SGMS2: variants seen among roughly 807,000 people sequenced by gnomAD.
The protein encoded by SGMS2 is phosphatidylcholine:ceramide cholinephosphotransferase 2.
Under a neutral mutation model 43.8 loss-of-function variants are expected in SGMS2, and 21 were observed. The observed-to-expected ratio is 0.48, with a 90% CI of 0.34 to 0.69. SGMS2 has a LOEUF of 0.69. Among genes scored for constraint, SGMS2 ranks in the 30% least tolerant of loss-of-function variants. The probability of loss-of-function intolerance (pLI) is 0.01; values close to 1 mark genes in which losing one functional copy is unlikely to be tolerated. For missense variants in SGMS2, 384 were observed against 443.2 expected, an observed-to-expected ratio of 0.87 and a Z score of 1.20; for synonymous variants, 167 against 160.6, an observed-to-expected ratio of 1.04 and a Z score of -0.30.
intron 1 of SGMS2, among the ~76,000 whole-genome samples, chr4:107,832,205 A>G (rs1368923549): frequency 6.6e-6 from 1 of 152,184 alleles, no homozygotes; most frequent in Non-Finnish European, 1.5e-5. Context: ...GGTTAGTGTA[A>G]TATACCAGTT....
Position 107,912,192 on chromosome 4 carries a change from T to G in SGMS2, c.*1639T>G, listed in dbSNP as rs1261513427. ...TCCTTTGGTGCTAAAATCTTGTGTA[T>G]GTTTTCAGAATGGCTTTTTCTGTAT... On this transcript the variant is annotated 3_prime_UTR_variant, in exon 7 of 7. Coordinates refer to ENST00000690982, the MANE Select transcript of SGMS2 (RefSeq NM_001375905.1). 1 of 152,208 alleles carries G rather than the reference T, an allele frequency of 6.6e-6. No homozygotes were observed. The highest frequency in any genetic ancestry group is 1.5e-5 in the Non-Finnish European group (1 of 68,032). 9.4% of individuals were successfully genotyped at this position (152,208 alleles called of 1,614,324 possible).
At chr4:107,866,891 A>G (rs1385923693) in intron 2 of SGMS2, 2 of 152,200 alleles carry the variant, frequency 1.3e-5, no homozygotes, top group Non-Finnish European at 2.9e-5. Flanking sequence ...ACAACCCAAG[A>G]TTGCAAAATT....
At chr4:107,873,668 G>A (rs1362586677) in intron 2 of SGMS2, among the ~76,000 whole-genome samples, 1 of 151,924 alleles carries the variant, frequency 6.6e-6, no homozygotes, top group Non-Finnish European at 1.5e-5. Flanking sequence ...TTTTTCACAT[G>A]GTAAATTAGT....
chr4:107,910,745 T>G lies in SGMS2; in HGVS notation c.*192T>G. 1 of 575,762 alleles carries G rather than the reference T, an allele frequency of 1.7e-6. No homozygotes were observed. The highest frequency in any genetic ancestry group is 2.9e-5 in the East Asian group (1 of 34,202). 35.7% of individuals were successfully genotyped at this position (575,762 alleles called of 1,614,324 possible). A position where few individuals can be genotyped will look rare whatever the true frequency, so the allele number is the denominator to read the frequency against. On this transcript the variant is annotated 3_prime_UTR_variant, in exon 7 of 7. Transcript: ENST00000690982. ...TCTTCTTCATCCTGAGAAAGATACA[T>G]TCTCTTGCAGCTCTTCATTCATTGG... is the stretch of plus-strand genomic sequence containing the variant.
At chr4:107,858,789 T>C (rs1727563682) in intron 2 of SGMS2, among the ~76,000 whole-genome samples, 1 of 152,254 alleles carries the variant, frequency 6.6e-6, no homozygotes, top group African/African-American at 2.4e-5. Context: ...ATGGATGTTT[T>C]CTCGGTCTTG....
At chr4:107,836,678 G>A (rs547394142) in intron 1 of SGMS2, among the ~76,000 whole-genome samples, 6 of 152,076 alleles carry the variant, frequency 3.9e-5, no homozygotes, top group Non-Finnish European at 7.4e-5. Flanking sequence ...GTTTTTGTGG[G>A]TAATGCTGTT....
intron 2 of SGMS2, among the ~76,000 whole-genome samples, chr4:107,892,126 C>A (rs1299439142): frequency 2.0e-5 from 3 of 146,490 alleles, no homozygotes. Flanking sequence ...AAAAAAAAAA[C>A]CTCATCTTCC....
At chr4:107,882,664 A>T (rs1228668775) in intron 2 of SGMS2, among the ~76,000 whole-genome samples, 1 of 152,180 alleles carries the variant, frequency 6.6e-6, no homozygotes, top group Admixed American at 6.5e-5. Flanking sequence ...CCTGCCATGT[A>T]AGTAAGATTT....
At chr4:107,889,224 C>A (rs1157758972) in intron 2 of SGMS2, among the ~76,000 whole-genome samples, 1 of 152,152 alleles carries the variant, frequency 6.6e-6, no homozygotes, top group Non-Finnish European at 1.5e-5. Flanking sequence ...AAACCAATAT[C>A]AATGTCTTGT....
chr4:107,892,492 T>G (rs2126114157), intron 2 of SGMS2, among the ~76,000 whole-genome samples: 1 of 152,240 alleles, frequency 6.6e-6, no homozygotes, highest in African/African-American at 2.4e-5. Context: ...AGGTCTCAGT[T>G]AATTTAGAAA....
At chr4:107,831,012 C>T (rs2125985165) in intron 1 of SGMS2, among the ~76,000 whole-genome samples, 1 of 152,264 alleles carries the variant, frequency 6.6e-6, no homozygotes, top group Admixed American at 6.5e-5. Flanking sequence ...TCAGACAGCT[C>T]TGCAAAATGG....
chr4:107,827,023 G>A lies in SGMS2; in HGVS notation c.-327+1770G>A, dbSNP rs527644870. The stretch of plus-strand genomic sequence containing the variant: ...TTTACTTAAACTCTTTGGGATTTTT[G>A]TGGGACTTTAAACAAAATATAGGGG... On this transcript the variant is annotated intron_variant, in intron 1 of 6. Transcript: ENST00000690982. Among the ~76,000 whole-genome samples, 9 of 152,284 alleles carry A rather than the reference G, an allele frequency of 5.9e-5. No homozygotes were observed. In the South Asian group the frequency reaches 1.9e-3, roughly 32 times the overall value.
chr4:107,910,123 A>G lies in SGMS2; in HGVS notation c.895-227A>G, dbSNP rs140108270. The stretch of plus-strand genomic sequence containing the variant: ...TCCCAGAGTCTCCATTCTTACTGGA[A>G]TTGCAGGCAGAAGAAATTGCATGAG... On this transcript the variant is annotated intron_variant, in intron 6 of 6. Coordinates refer to ENST00000690982, the MANE Select transcript of SGMS2 (RefSeq NM_001375905.1). Among the ~76,000 whole-genome samples the G allele has an allele frequency of 3.9e-5, 6 of 152,254 alleles. No individual in the cohort carries two copies. The East Asian group carries it at 1.2e-3, about 29-fold the overall frequency.
At chr4:107,850,366 T>C (rs1727069250) in intron 1 of SGMS2, among the ~76,000 whole-genome samples, 1 of 152,238 alleles carries the variant, frequency 6.6e-6, no homozygotes, top group Non-Finnish European at 1.5e-5. Flanking sequence ...CCTTATACTT[T>C]TTTGTTTGTT....
chr4:107,844,140 G>A (rs1319708289), intron 1 of SGMS2, among the ~76,000 whole-genome samples: 1 of 151,708 alleles, frequency 6.6e-6, no homozygotes, highest in South Asian at 2.1e-4. Flanking sequence ...GGCCAACATA[G>A]TGAAACCCAG....
chr4:107,893,743 A>G (rs1730436548), intron 2 of SGMS2: 1 of 152,264 alleles, frequency 6.6e-6, no homozygotes, highest in African/African-American at 2.4e-5. Context: ...CCAGCTTTCC[A>G]CATGCTTTTG....
intron 1 of SGMS2, among the ~76,000 whole-genome samples, chr4:107,842,453 G>A (rs963630946): frequency 6.6e-6 from 1 of 152,166 alleles, no homozygotes; most frequent in Admixed American, 6.5e-5. Flanking sequence ...CCAAGGGGAT[G>A]GTGCCGAACC....
chr4:107,845,317 T>C (rs1726749422), intron 1 of SGMS2, among the ~76,000 whole-genome samples: 1 of 152,162 alleles, frequency 6.6e-6, no homozygotes, highest in African/African-American at 2.4e-5. Context: ...CATCATATGT[T>C]GCAGGAGTAG....
At chr4:107,825,578 CTGTGTGTGTGTGTT>C (rs983219847) in intron 1 of SGMS2, among the ~76,000 whole-genome samples, 2 of 149,718 alleles carry the variant, frequency 1.3e-5, no homozygotes, top group South Asian at 2.1e-4. Flanking sequence ...GGAGGAGGGA[CTGTGTGTGTGTGTT>C]TGTGTGTGTG....
Sources: gnomAD v4.1 joint callset for allele counts (sites outside exome capture counted in the v4.1 genomes callset) on GRCh38, gnomAD v4.1.1 for gene constraint, MANE v1.5 for transcripts, NCBI Gene and HGNC (gene_info 2026-07-23, HGNC 2026-07-21) for gene names.